The following CHMP5 variants were observed in gnomAD, a reference collection of about 807,000 sequenced individuals.
The protein encoded by CHMP5 is charged multivesicular body protein 5.
Under a neutral mutation model 33.0 loss-of-function variants are expected in CHMP5, and 17 were observed. That is an observed-to-expected ratio of 0.52 (90% CI 0.35 to 0.77). The LOEUF is 0.77. Ranked by LOEUF, CHMP5 falls within the 30% of genes least tolerant of loss-of-function variation. The pLI is 0.01. For synonymous variants in CHMP5, 76 were observed against 90.2 expected (o/e 0.84, Z 0.89); for missense variants, 216 against 261.5 (o/e 0.83, Z 1.20).
chr9:33,270,190 A>G (rs1820777033), intron 3 of CHMP5, among the ~76,000 whole-genome samples: 1 of 152,172 alleles, frequency 6.6e-6, no homozygotes, highest in African/African-American at 2.4e-5. Flanking sequence ...CACAAATACC[A>G]TTGTGTTACA....
chr9:33,268,684 A>G (rs1446031069), intron 3 of CHMP5, among the ~76,000 whole-genome samples: 1 of 152,246 alleles, frequency 6.6e-6, no homozygotes, highest in Non-Finnish European at 1.5e-5. Flanking sequence ...AATTGGTGGC[A>G]TTGCTAGTTT....
At chr9:33,274,919 T>TA (rs1388843556) in intron 5 of CHMP5, among the ~76,000 whole-genome samples, 3 of 152,162 alleles carry the variant, frequency 2.0e-5, no homozygotes, top group African/African-American at 4.8e-5. Context: ...CCTGGCCAGA[T>TA]ATGGCTATTA....
intron 6 of CHMP5, chr9:33,277,809 CA>C: frequency 4.3e-6 from 1 of 231,852 alleles, no homozygotes; most frequent in Non-Finnish European, 8.7e-6. Flanking sequence ...CCGCTCTCTC[CA>C]TGGTCTATTT....
intron 7 of CHMP5, among the ~76,000 whole-genome samples, chr9:33,280,137 T>G (rs1820904692): frequency 6.6e-6 from 1 of 151,982 alleles, no homozygotes; most frequent in African/African-American, 2.4e-5. Flanking sequence ...TCACCACACC[T>G]GGCTAATTTT....
At chr9:33,268,197 T>C (rs572036374) in intron 3 of CHMP5, among the ~76,000 whole-genome samples, 1 of 152,370 alleles carries the variant, frequency 6.6e-6, no homozygotes, top group East Asian at 1.9e-4. Context: ...AAATGAAGTT[T>C]AAATTTTATT....
intron 2 of CHMP5, 94 bp downstream of exon 2, chr9:33,266,208 C>A: frequency 2.7e-6 from 2 of 729,730 alleles, no homozygotes; most frequent in South Asian, 1.6e-5. Context: ...CGCAGTGGCT[C>A]ATGCATGTAA....
At chr9:33,268,900 T>G (rs1354479205) in intron 3 of CHMP5, among the ~76,000 whole-genome samples, 5 of 152,182 alleles carry the variant, frequency 3.3e-5, no homozygotes, top group Non-Finnish European at 2.9e-5. Context: ...GAAATGAAAT[T>G]GTAGTGTGTA....
intron 5 of CHMP5, among the ~76,000 whole-genome samples, chr9:33,274,198 C>G (rs1820827119): frequency 6.6e-6 from 1 of 152,038 alleles, no homozygotes; most frequent in Non-Finnish European, 1.5e-5. Context: ...ACTTCAGTCT[C>G]CTGAGTAGCT....
chr9:33,265,937 T>TGTA, intron 1 of CHMP5, 73 bp from the exon 2 acceptor site: 1 of 948,498 alleles, frequency 1.1e-6, no homozygotes, highest in Admixed American at 2.0e-5. Flanking sequence ...TCTGTATTCC[T>TGTA]TCCTCTCTAC....
In CHMP5 at chr9:33,270,689, C is replaced by T. The variant is rs1024473088; in HGVS notation, c.288C>T (p.Ile96=). Residue 96 remains isoleucine, a synonymous_variant, in exon 4 of 8, where the codon ATC becomes ATT. Coordinates refer to ENST00000223500, the MANE Select transcript of CHMP5 (RefSeq NM_016410.6). ...ACATGGAACAAGCCAATTATACCATCCAGTCTTTGAAGGACACCAAGACCA... is the reference window on the plus strand; with the variant it reads ...ACATGGAACAAGCCAATTATACCATTCAGTCTTTGAAGGACACCAAGACCA... The part of the protein sequence containing the change: ...SFNMEQANYT[I]QSLKDTKTTV... The T allele has an allele frequency of 6.2e-7, 1 of 1,613,848 alleles. No homozygotes were observed. Among genetic ancestry groups the T allele is most frequent in the African/African-American group, 1.3e-5 (1 of 74,918 alleles).
At chr9:33,269,988 T>C (rs752354960) in intron 3 of CHMP5, among the ~76,000 whole-genome samples, 4 of 151,966 alleles carry the variant, frequency 2.6e-5, no homozygotes, top group Non-Finnish European at 4.4e-5. Context: ...AAAAAAGATA[T>C]GCAGCAACAC....
chr9:33,277,259 A>T (rs545055187), intron 6 of CHMP5, among the ~76,000 whole-genome samples: 1 of 151,812 alleles, frequency 6.6e-6, no homozygotes, highest in South Asian at 2.1e-4. Flanking sequence ...TATGCCAGGT[A>T]CTCTACTAGG....
Position 33,276,493 on chromosome 9 carries a change from CA to C in CHMP5, c.428del (p.Asn143MetfsTer7). 1 of 1,610,454 alleles carries C rather than the reference CA, an allele frequency of 6.2e-7. No individual in the cohort carries two copies. The highest frequency in any genetic ancestry group is 8.5e-7 in the Non-Finnish European group (1 of 1,177,090). ...CAGCTAGAGGATATGATGGAAGATG[CA>C]AATGAAATCCAAGAAGCACTGAGTC... Reference protein sequence around the residue: ...QDQLEDMMEDANEIQEALSRS... With the variant: ...QDQLEDMMEDXNEIQEALSRS... On this transcript the variant is annotated frameshift_variant, in exon 6 of 8. Transcript: ENST00000223500. LOFTEE classifies it high-confidence loss of function.
At chr9:33,269,632 AT>A (rs1297369993) in intron 3 of CHMP5, among the ~76,000 whole-genome samples, 1 of 152,204 alleles carries the variant, frequency 6.6e-6, no homozygotes, top group Non-Finnish European at 1.5e-5. Context: ...TGCTCTAAGA[AT>A]TTCACTTCTG....
chr9:33,281,182 G>A lies in CHMP5; in HGVS notation c.*323G>A, dbSNP rs986208340. The A allele has an allele frequency of 2.1e-5, 5 of 233,178 alleles. No homozygotes were observed. The highest frequency in any genetic ancestry group is 1.1e-4 in the African/African-American group (5 of 43,800). The allele number at this position is 233,178 out of a possible 1,614,324, so 14.4% of individuals were successfully genotyped here. The stretch of plus-strand genomic sequence containing the variant: ...TGGAATCTTAAAAGTCTATGACAGT[G>A]TAACTCTACAGTCTCAAAATGACCT... On this transcript the variant is annotated 3_prime_UTR_variant, in exon 8 of 8. Transcript: ENST00000223500.
intron 5 of CHMP5, among the ~76,000 whole-genome samples, chr9:33,271,898 A>G (rs1338781759): frequency 6.6e-6 from 1 of 152,170 alleles, no homozygotes; most frequent in African/African-American, 2.4e-5. Context: ...CTTCGATGGT[A>G]GTGGTGTTGT....
intron 1 of CHMP5, among the ~76,000 whole-genome samples, chr9:33,265,479 C>G (rs911568995): frequency 6.6e-6 from 1 of 152,168 alleles, no homozygotes; most frequent in African/African-American, 2.4e-5. Context: ...CCTGCCTGAT[C>G]CCTTACCCTT....
intron 7 of CHMP5, among the ~76,000 whole-genome samples, chr9:33,279,242 G>A (rs920086530): frequency 3.9e-5 from 6 of 152,134 alleles, no homozygotes; most frequent in Non-Finnish European, 8.8e-5. Flanking sequence ...TGGGCAAGGT[G>A]TGACTTTGAG....
At chr9:33,272,405 AAAAAAG>A (rs924762553) in intron 5 of CHMP5, among the ~76,000 whole-genome samples, 2 of 152,104 alleles carry the variant, frequency 1.3e-5, no homozygotes, top group African/African-American at 4.8e-5. Context: ...AAAAAAAAAA[AAAAAAG>A]AGAGAAAGCA....
Sources: gnomAD v4.1 joint callset for allele counts (sites outside exome capture counted in the v4.1 genomes callset) on GRCh38, gnomAD v4.1.1 for gene constraint, MANE v1.5 for transcripts, NCBI Gene and HGNC (gene_info 2026-07-23, HGNC 2026-07-21) for gene names.